Variants in DOCK4 observed in about 807,000 individuals in gnomAD.
DOCK4 encodes the protein dedicator of cytokinesis protein 4.
In DOCK4, 97 loss-of-function variants were observed where a neutral mutation model predicts 268.1. That is an observed-to-expected ratio of 0.36 (90% CI 0.31 to 0.43). The LOEUF is 0.43. Among genes scored for constraint, DOCK4 ranks in the 20% least tolerant of loss-of-function variants. DOCK4 has a pLI of 1.00. For synonymous variants in DOCK4, 954 were observed against 887.2 expected (o/e 1.08, Z -1.34); for missense variants, 2,145 against 2,455.7 (o/e 0.87, Z 2.67).
At chr7:111,748,328 A>T (rs1407392744) in intron 42 of DOCK4, among the ~76,000 whole-genome samples, 1 of 152,182 alleles carries the variant, frequency 6.6e-6, no homozygotes, top group Non-Finnish European at 1.5e-5. Flanking sequence ...AAGAGAAGGG[A>T]AGATAAGCAA....
intron 13 of DOCK4, among the ~76,000 whole-genome samples, chr7:111,908,670 C>G (rs112025978): frequency 0.22 from 32,733 of 151,740 alleles, 3,561 homozygotes; most frequent in African/African-American, 0.24. Flanking sequence ...GCATGCATTA[C>G]GTATTTGTCC....
At chr7:112,052,199 C>T (rs1805420278) in intron 1 of DOCK4, among the ~76,000 whole-genome samples, 1 of 152,022 alleles carries the variant, frequency 6.6e-6, no homozygotes, top group Non-Finnish European at 1.5e-5. Flanking sequence ...AGTACTGATG[C>T]AATTTTTATA....
chr7:112,027,352 G>C (rs894140277), intron 1 of DOCK4, among the ~76,000 whole-genome samples: 1 of 152,084 alleles, frequency 6.6e-6, no homozygotes, highest in African/African-American at 2.4e-5. Context: ...AGCCTCCCAA[G>C]CAGCTGGGAT....
At position 111,877,191 on chromosome 7, in the gene DOCK4, T is replaced by G; in HGVS notation, c.1588-5A>C. On this transcript the variant is annotated splice_region_variant and splice_polypyrimidine_tract_variant and intron_variant, in intron 16 of 52. Transcript: ENST00000428084. ...AAGATTTGTGTTTTCTTCACACTGT[T>G]AAAAATATTTAAAAAAACATAAGGG... 1 of 1,445,340 alleles carries G rather than the reference T, an allele frequency of 6.9e-7. No homozygotes were observed. Among genetic ancestry groups the G allele is most frequent in the Non-Finnish European group, 9.2e-7 (1 of 1,092,168 alleles). The allele number at this position is 1,445,340 out of a possible 1,614,324, so 89.5% of individuals were successfully genotyped here.
At chr7:112,199,904 T>A (rs997220340) in intron 1 of DOCK4, among the ~76,000 whole-genome samples, 3 of 152,250 alleles carry the variant, frequency 2.0e-5, no homozygotes, top group African/African-American at 7.2e-5. Flanking sequence ...ACGCAATGCA[T>A]GTGATGGCTT....
intron 4 of DOCK4, among the ~76,000 whole-genome samples, chr7:111,997,509 C>G (rs1404727685): frequency 6.6e-6 from 1 of 152,076 alleles, no homozygotes; most frequent in East Asian, 1.9e-4. Flanking sequence ...TAGGCTGTTT[C>G]CCTGAACTGA....
intron 1 of DOCK4, among the ~76,000 whole-genome samples, chr7:112,189,286 GA>G (rs5886613): frequency 0.89 from 132,164 of 148,678 alleles, 59,107 homozygotes; most frequent in Middle Eastern, 0.96. Flanking sequence ...TCTTATTCTG[GA>G]AAAAAAAAAA....
At chr7:111,753,763 G>A (rs1000767561) in intron 42 of DOCK4, among the ~76,000 whole-genome samples, 1 of 152,150 alleles carries the variant, frequency 6.6e-6, no homozygotes, top group Non-Finnish European at 1.5e-5. Flanking sequence ...AGCTTTAATC[G>A]ACAGTGAGGA....
chr7:111,762,757 G>GTTTTTTT (rs1797499588), intron 39 of DOCK4, among the ~76,000 whole-genome samples: 6 of 54,998 alleles, frequency 1.1e-4, no homozygotes, highest in Non-Finnish European at 1.5e-4. Context: ...ATTTTGTTTT[G>GTTTTTTT]TTTTCTTTTT....
chr7:112,099,059 G>C (rs1446670711), intron 1 of DOCK4, among the ~76,000 whole-genome samples: 1 of 152,080 alleles, frequency 6.6e-6, no homozygotes, highest in Non-Finnish European at 1.5e-5. Flanking sequence ...GGAGGCCTAG[G>C]TGGGCGGATG....
intron 15 of DOCK4, among the ~76,000 whole-genome samples, chr7:111,897,491 G>T (rs1808853774): frequency 6.6e-6 from 1 of 152,066 alleles, no homozygotes; most frequent in African/African-American, 2.4e-5. Flanking sequence ...ATCAGTCTCA[G>T]ACTTTAGAAA....
chr7:111,909,953 C>T (rs1486643411), intron 13 of DOCK4, among the ~76,000 whole-genome samples: 2 of 149,852 alleles, frequency 1.3e-5, no homozygotes, highest in Admixed American at 6.6e-5. Context: ...CAGATGGAGA[C>T]CCTGTTTAAA....
chr7:111,952,553 CTCACA>C (rs1388247142), intron 8 of DOCK4, among the ~76,000 whole-genome samples: 1 of 152,132 alleles, frequency 6.6e-6, no homozygotes. Context: ...TATAGTTCAC[CTCACA>C]TAAGAAGTAA....
intron 16 of DOCK4, among the ~76,000 whole-genome samples, chr7:111,881,987 G>A (rs1451503118): frequency 6.6e-6 from 1 of 152,160 alleles, no homozygotes; most frequent in Non-Finnish European, 1.5e-5. Context: ...AAAGAAGACA[G>A]AAAGAGTAAG....
chr7:112,093,026 T>C (rs1027799888), intron 1 of DOCK4, among the ~76,000 whole-genome samples: 1 of 152,176 alleles, frequency 6.6e-6, no homozygotes, highest in African/African-American at 2.4e-5. Flanking sequence ...CTCTCTCATA[T>C]GGGCATCATT....
chr7:112,042,067 G>C (rs1804422392), intron 1 of DOCK4, among the ~76,000 whole-genome samples: 2 of 152,120 alleles, frequency 1.3e-5, no homozygotes, highest in South Asian at 4.1e-4. Flanking sequence ...CAAGGCTACA[G>C]TGTACTACTA....
At chr7:111,986,257 G>A (rs751714946) in intron 6 of DOCK4, among the ~76,000 whole-genome samples, 1 of 152,178 alleles carries the variant, frequency 6.6e-6, no homozygotes, top group African/African-American at 2.4e-5. Flanking sequence ...TCACATGCAG[G>A]AGGAAGATAA....
intron 27 of DOCK4, among the ~76,000 whole-genome samples, chr7:111,817,335 T>C (rs1801629270): frequency 6.6e-6 from 1 of 152,212 alleles, no homozygotes; most frequent in Non-Finnish European, 1.5e-5. Flanking sequence ...CAACAGTAGC[T>C]GTGTCAATGG....
intron 1 of DOCK4, among the ~76,000 whole-genome samples, chr7:112,177,729 A>ATT (rs139868878): frequency 5.3e-5 from 8 of 151,514 alleles, no homozygotes; most frequent in African/African-American, 1.7e-4. Context: ...GAGACTACTG[A>ATT]TTTTTTTTTA....
Sources: gnomAD v4.1 joint callset for allele counts (sites outside exome capture counted in the v4.1 genomes callset) on GRCh38, gnomAD v4.1.1 for gene constraint, MANE v1.5 for transcripts, NCBI Gene and HGNC (gene_info 2026-07-23, HGNC 2026-07-21) for gene names.